Variants in POC1B observed in about 807,000 individuals in gnomAD.
POC1B encodes the protein POC1 centriolar protein homolog B.
A neutral mutation model predicts 60.6 loss-of-function variants in POC1B; 44 were observed. The ratio of observed to expected loss-of-function variants is 0.73; its 90% CI spans 0.57 to 0.93. The LOEUF (loss-of-function observed/expected upper bound fraction) is 0.93. Among genes scored for constraint, POC1B ranks in the 40% least tolerant of loss-of-function variants. POC1B has a pLI of 0.00. For synonymous variants in POC1B, 180 were observed against 198.9 expected, an observed-to-expected ratio of 0.90 and a Z score of 0.80; for missense variants, 555 against 572.3, an observed-to-expected ratio of 0.97 and a Z score of 0.31.
chr12:89,460,781 AAAC>A (rs781727462), intron 9 of POC1B: 4 of 152,248 alleles, frequency 2.6e-5, no homozygotes, highest in Non-Finnish European at 5.9e-5. Context: ...ATTCAAAATT[AAAC>A]AATAATTATA....
intron 6 of POC1B, 32 bp downstream of exon 6, chr12:89,471,582 G>A: frequency 6.6e-7 from 1 of 1,526,228 alleles, no homozygotes; most frequent in Admixed American, 1.7e-5. Flanking sequence ...AGTCCATTCG[G>A]TAACTGAATT....
chr12:89,447,915 G>A (rs1881852804), intron 10 of POC1B, among the ~76,000 whole-genome samples: 1 of 152,034 alleles, frequency 6.6e-6, no homozygotes. Context: ...GGCAAACTGA[G>A]TCTGAGGAGC....
At chr12:89,479,892 T>G (rs973804068) in intron 4 of POC1B, among the ~76,000 whole-genome samples, 1 of 152,248 alleles carries the variant, frequency 6.6e-6, no homozygotes, top group Admixed American at 6.5e-5. Context: ...CATCTAAATT[T>G]TTTTGGTAAA....
At chr12:89,518,281 T>G (rs1216227595) in intron 2 of POC1B, among the ~76,000 whole-genome samples, 1 of 152,158 alleles carries the variant, frequency 6.6e-6, no homozygotes, top group Non-Finnish European at 1.5e-5. Flanking sequence ...ATAAACTGAT[T>G]TCCAAGCCCC....
intron 10 of POC1B, among the ~76,000 whole-genome samples, chr12:89,431,111 CA>C (rs1408013672): frequency 1.3e-5 from 2 of 151,510 alleles, no homozygotes; most frequent in Non-Finnish European, 2.9e-5. Context: ...AATGTGAGTG[CA>C]AAAGTAGGCA....
chr12:89,402,277 G>C, the POC1B span, among the ~76,000 whole-genome samples: 247 of 152,122 alleles, frequency 1.6e-3, 7 homozygotes, highest in East Asian at 0.029. Flanking sequence ...TCAGCCCTGT[G>C]ATTAGATTAC....
chr12:89,415,653 A>AAT (rs1044894693), downstream of POC1B, among the ~76,000 whole-genome samples: 17 of 152,238 alleles, frequency 1.1e-4, no homozygotes, highest in East Asian at 1.3e-3. Flanking sequence ...AAAAAAAAAA[A>AAT]AAATAATAAA....
At chr12:89,488,795 C>CTAT (rs1306454530) in intron 4 of POC1B, among the ~76,000 whole-genome samples, 1 of 152,048 alleles carries the variant, frequency 6.6e-6, no homozygotes, top group Non-Finnish European at 1.5e-5. Flanking sequence ...CCAATAGCAG[C>CTAT]TATTATTATT....
At chr12:89,436,286 T>G (rs949500436) in intron 10 of POC1B, among the ~76,000 whole-genome samples, 1 of 151,800 alleles carries the variant, frequency 6.6e-6, no homozygotes, top group South Asian at 2.1e-4. Context: ...ATGATACCAC[T>G]AAAGCATGTC....
chr12:89,449,521 G>C (rs1881950373), intron 10 of POC1B, among the ~76,000 whole-genome samples: 1 of 152,044 alleles, frequency 6.6e-6, no homozygotes, highest in African/African-American at 2.4e-5. Flanking sequence ...AAAGAAAAAA[G>C]GGGAAACAAT....
At chr12:89,492,357 T>C (rs1016314921) in intron 3 of POC1B, among the ~76,000 whole-genome samples, 8 of 151,918 alleles carry the variant, frequency 5.3e-5, no homozygotes, top group Non-Finnish European at 8.8e-5. Context: ...AAACAAAAGA[T>C]GGGGAAAATA....
chr12:89,513,686 C>A (rs948322138), intron 2 of POC1B, among the ~76,000 whole-genome samples: 5 of 152,120 alleles, frequency 3.3e-5, no homozygotes, highest in Admixed American at 1.3e-4. Flanking sequence ...CCCCAGGCTG[C>A]GAACTGGTTC....
chr12:89,493,913 C>G (rs973996958), intron 3 of POC1B, among the ~76,000 whole-genome samples: 1 of 152,228 alleles, frequency 6.6e-6, no homozygotes, highest in Non-Finnish European at 1.5e-5. Flanking sequence ...AGTTCCTCAT[C>G]TTAACTTAAT....
In POC1B at chr12:89,525,222, C is replaced by A; in HGVS notation, c.16-18G>T. 1 of 1,598,746 alleles carries A rather than the reference C, an allele frequency of 6.3e-7. No homozygotes were observed. The highest frequency in any genetic ancestry group is 1.8e-4 in the Middle Eastern group (1 of 5,424). The stretch of plus-strand genomic sequence containing the variant: ...GGGTCCTCCTGGAAAGGAAAGTTGT[C>A]AAGTTTTGAAAGCCGCCGCAGACCT... On this transcript the variant is annotated intron_variant, in intron 1 of 11. Transcript: ENST00000313546.
chr12:89,474,808 A>C (rs960700326), intron 4 of POC1B, among the ~76,000 whole-genome samples: 15 of 152,322 alleles, frequency 9.8e-5, no homozygotes, highest in Non-Finnish European at 2.1e-4. Flanking sequence ...GAAGGTTCTA[A>C]AGTGGAGAGG....
In POC1B at chr12:89,471,716, C is replaced by A; in HGVS notation, c.574G>T (p.Val192Leu). The part of the protein sequence containing the change: ...FSDSVGFANF[V>L]DFNPSGTCIA... ...CATGTACCACTAGGGTTAAAGTCCA[C>A]AAAATTTGCAAATCTAGGAGGAAAG... Residue 192 changes from valine to leucine, a missense_variant, in exon 6 of 12, where the codon GTG (valine) becomes TTG (leucine). Physicochemically the swap from Val to Leu is conservative, Grantham distance 32. Transcript: ENST00000313546. The A allele has an allele frequency of 6.4e-7, 1 of 1,566,746 alleles. No homozygotes were observed. The highest frequency in any genetic ancestry group is 8.6e-7 in the Non-Finnish European group (1 of 1,156,938).
Position 89,471,704 on chromosome 12 carries a change from G to A in POC1B, c.586C>T (p.Pro196Ser), listed in dbSNP as rs1400841267. The A allele has an allele frequency of 3.1e-6, 5 of 1,596,082 alleles. No individual in the cohort carries two copies. The highest frequency in any genetic ancestry group is 3.4e-6 in the Non-Finnish European group (4 of 1,172,978). Residue 196 changes from proline to serine, a missense_variant, in exon 6 of 12, where the codon CCT becomes TCT. Transcript: ENST00000313546. ...VGFANFVDFN[P>S]SGTCIASAGS... ...GCTGAAGCTATGCATGTACCACTAG[G>A]GTTAAAGTCCACAAAATTTGCAAAT...
chr12:89,522,805 G>GT, intron 2 of POC1B: 1 of 1,567,726 alleles, frequency 6.4e-7, no homozygotes, highest in Non-Finnish European at 8.6e-7. Context: ...CGAAAGTGCT[G>GT]TTGTGCTCTA....
At chr12:89,523,614 T>TC in intron 2 of POC1B, 1 of 1,554,182 alleles carries the variant, frequency 6.4e-7, no homozygotes, top group Non-Finnish European at 8.7e-7. Context: ...CAGCAAACAG[T>TC]CCTCCAGCCA....
Sources: allele counts gnomAD v4.1 joint callset (sites outside exome capture counted in the v4.1 genomes callset), GRCh38; gene constraint gnomAD v4.1.1; transcripts MANE v1.5; gene names NCBI Gene and HGNC (gene_info 2026-07-23, HGNC 2026-07-21).